CD96: variants seen among roughly 807,000 people sequenced by gnomAD.
The protein encoded by CD96 is T-cell surface protein tactile.
CD96 carries 70 observed loss-of-function variants against 71.3 expected under a neutral mutation model. That is an observed-to-expected ratio of 0.98 (90% CI 0.81 to 1.20). The LOEUF (loss-of-function observed/expected upper bound fraction) is 1.20. Ranked by LOEUF, CD96 falls within the 50% of genes most tolerant of loss-of-function variation. The pLI is 0.00. For missense variants in CD96, 742 were observed against 677.5 expected, an observed-to-expected ratio of 1.10 and a Z score of -1.06; for synonymous variants, 248 against 233.0, an observed-to-expected ratio of 1.06 and a Z score of -0.59.
intron 5 of CD96, among the ~76,000 whole-genome samples, chr3:111,586,281 G>A (rs981410689): frequency 2.6e-5 from 4 of 151,626 alleles, no homozygotes; most frequent in East Asian, 1.9e-4. Context: ...TATTACATGG[G>A]GCGAGAGAAA....
intron 8 of CD96, among the ~76,000 whole-genome samples, chr3:111,618,955 A>G (rs1938385945): frequency 6.6e-6 from 1 of 152,046 alleles, no homozygotes; most frequent in African/African-American, 2.4e-5. Context: ...TTTATTTGGC[A>G]TATAGTAGGT....
intron 8 of CD96, among the ~76,000 whole-genome samples, chr3:111,620,648 TC>T (rs978833469): frequency 2.0e-5 from 3 of 152,168 alleles, no homozygotes; most frequent in African/African-American, 4.8e-5. Flanking sequence ...AACTTTGTGC[TC>T]CCTGGGGAAA....
At chr3:111,613,730 A>G (rs1938075960) in intron 8 of CD96, among the ~76,000 whole-genome samples, 1 of 152,248 alleles carries the variant, frequency 6.6e-6, no homozygotes, top group Admixed American at 6.5e-5. Context: ...TAGGTGCTAT[A>G]GTGATAGAAT....
At chr3:111,643,250 G>A (rs1939678696) in intron 12 of CD96, among the ~76,000 whole-genome samples, 1 of 151,802 alleles carries the variant, frequency 6.6e-6, no homozygotes, top group African/African-American at 2.4e-5. Context: ...CATCTCAATT[G>A]ATACAAAAAA....
At chr3:111,583,884 G>A (rs377090588) in intron 4 of CD96, among the ~76,000 whole-genome samples, 36 of 152,166 alleles carry the variant, frequency 2.4e-4, no homozygotes, top group African/African-American at 8.7e-4. Context: ...GTGGCCTGGG[G>A]ACATTTTCCC....
rs1937456044 is a variant in CD96 at position 111,600,743 on chromosome 3, G to A, written c.916G>A (p.Glu306Lys). Residue 306 changes from glutamate to lysine, a missense_variant, in exon 7 of 14, where the codon GAA becomes AAA. Glu to Lys is a moderately conservative substitution (Grantham distance 56). Coordinates refer to ENST00000352690, the MANE Select transcript of CD96 (RefSeq NM_005816.5). ...DEKEGIYITNEERKGKDGFLE... is the reference protein window; with the variant it reads ...DEKEGIYITNKERKGKDGFLE... ...TCTGGCAGGAATATATATTACTAAT[G>A]AAGAGAGAAAAGGCAAAGATGGATT... is the stretch of plus-strand genomic sequence containing the variant. 1 of 1,611,844 alleles carries A rather than the reference G, an allele frequency of 6.2e-7. No individual in the cohort carries two copies. Among genetic ancestry groups the A allele is most frequent in the South Asian group, 1.1e-5 (1 of 91,032 alleles).
At chr3:111,573,412 A>G (rs923996332) in intron 3 of CD96, among the ~76,000 whole-genome samples, 1 of 152,222 alleles carries the variant, frequency 6.6e-6, no homozygotes, top group African/African-American at 2.4e-5. Context: ...AGCATGGGGA[A>G]AATAGTTCAA....
At chr3:111,603,143 C>T (rs1426702109) in intron 7 of CD96, among the ~76,000 whole-genome samples, 1 of 152,076 alleles carries the variant, frequency 6.6e-6, no homozygotes, top group Non-Finnish European at 1.5e-5. Context: ...AAAAAAAAGC[C>T]TTTCAAAAAT....
chr3:111,590,063 AC>A (rs1426673042), intron 5 of CD96, among the ~76,000 whole-genome samples: 1 of 152,176 alleles, frequency 6.6e-6, no homozygotes, highest in African/African-American at 2.4e-5. Context: ...CCACTCTCTT[AC>A]GTTCATAAAT....
At chr3:111,594,490 C>T (rs913887787) in intron 5 of CD96, 18 of 344,892 alleles carry the variant, frequency 5.2e-5, no homozygotes, top group African/African-American at 3.8e-4. Context: ...CAAAACATAT[C>T]AGTTCCTGTA....
chr3:111,650,318 C>A lies in CD96; in HGVS notation c.*512C>A, dbSNP rs1189928150. 1 of 172,600 alleles carries A rather than the reference C, an allele frequency of 5.8e-6. No homozygotes were observed. Among genetic ancestry groups the A allele is most frequent in the African/African-American group, 2.4e-5 (1 of 41,960 alleles). The allele number at this position is 172,600 out of a possible 1,614,324, so 10.7% of individuals were successfully genotyped here. A position where few individuals can be genotyped will look rare whatever the true frequency, so the allele number is the denominator to read the frequency against. ...TATGGTTAGTCTTCATATTGAAATT[C>A]TGTTGCTTATTTTCATGGAAGGAAA... On this transcript the variant is annotated 3_prime_UTR_variant, in exon 14 of 14. Coordinates refer to ENST00000352690, the MANE Select transcript of CD96 (RefSeq NM_005816.5).
At chr3:111,585,173 G>T (rs1212947443) in intron 4 of CD96, 150 bp from the exon 5 acceptor site, 2 of 275,688 alleles carry the variant, frequency 7.3e-6, no homozygotes, top group Non-Finnish European at 1.3e-5. Context: ...GTACACAGTG[G>T]GCCTGGCAGT....
chr3:111,599,768 C>T (rs1366181372), intron 6 of CD96, among the ~76,000 whole-genome samples: 1 of 152,090 alleles, frequency 6.6e-6, no homozygotes, highest in African/African-American at 2.4e-5. Flanking sequence ...TTAAATAAGC[C>T]CTGCATAGGC....
chr3:111,633,446 G>GA lies in CD96; in HGVS notation c.1322-3742dup, dbSNP rs371642925. ...GACATGAATTGAGCACATGCTGTTG[G>GA]AAAAAAAATGGCACCTATAGACTTG... On this transcript the variant is annotated intron_variant, in intron 10 of 13. Coordinates refer to ENST00000352690, the MANE Select transcript of CD96 (RefSeq NM_005816.5). Among the ~76,000 whole-genome samples the GA allele has an allele frequency of 1.4e-3, 212 of 151,778 alleles. 1 individual carries two copies. The highest frequency in any genetic ancestry group is 4.9e-3 in the African/African-American group (201 of 41,374).
At chr3:111,566,432 G>A (rs947074372) in intron 2 of CD96, among the ~76,000 whole-genome samples, 2 of 151,946 alleles carry the variant, frequency 1.3e-5, no homozygotes, top group African/African-American at 2.4e-5. Context: ...ATGACATGAA[G>A]CCCCCATAAA....
At chr3:111,590,571 G>A (rs1011991986) in intron 5 of CD96, among the ~76,000 whole-genome samples, 4 of 152,218 alleles carry the variant, frequency 2.6e-5, no homozygotes, top group African/African-American at 4.8e-5. Flanking sequence ...TGGACATGCC[G>A]TAGATGTCTA....
intron 2 of CD96, among the ~76,000 whole-genome samples, chr3:111,552,199 C>G (rs760973814): frequency 6.6e-6 from 1 of 151,648 alleles, no homozygotes; most frequent in East Asian, 1.9e-4. Context: ...ATATTAGACC[C>G]CAGGCCCTTT....
intron 8 of CD96, among the ~76,000 whole-genome samples, chr3:111,618,961 TA>T: frequency 6.6e-6 from 1 of 152,288 alleles, no homozygotes; most frequent in African/African-American, 2.4e-5. Context: ...TGGCATATAG[TA>T]GGTCCATATT....
At chr3:111,564,997 G>A (rs1935638434) in intron 2 of CD96, among the ~76,000 whole-genome samples, 1 of 152,112 alleles carries the variant, frequency 6.6e-6, no homozygotes, top group Admixed American at 6.5e-5. Flanking sequence ...CCCATGGCAT[G>A]TGTCCTGAGA....
Sources: allele counts gnomAD v4.1 joint callset (sites outside exome capture counted in the v4.1 genomes callset), GRCh38; gene constraint gnomAD v4.1.1; transcripts MANE v1.5; gene names NCBI Gene and HGNC (gene_info 2026-07-23, HGNC 2026-07-21).